NKAIN2: variants seen among roughly 807,000 people sequenced by gnomAD.
NKAIN2 encodes sodium/potassium-transporting ATPase subunit beta-1-interacting protein 2.
In NKAIN2, 14 loss-of-function variants were observed where a neutral mutation model predicts 32.6. The observed-to-expected ratio is 0.43, with a 90% CI of 0.28 to 0.67. The LOEUF (loss-of-function observed/expected upper bound fraction) is 0.67. NKAIN2 is among the 30% of genes least tolerant of loss of function. The pLI is 0.17. For missense variants in NKAIN2, 198 were observed against 258.3 expected, an observed-to-expected ratio of 0.77 and a Z score of 1.60; for synonymous variants, 80 against 87.2, an observed-to-expected ratio of 0.92 and a Z score of 0.46.
chr6:124,583,994 A>G lies in NKAIN2; in HGVS notation c.274-74192A>G, dbSNP rs1172955995. On this transcript the variant is annotated intron_variant, in intron 3 of 6. Coordinates refer to ENST00000368417, the MANE Select transcript of NKAIN2 (RefSeq NM_001040214.3). The stretch of plus-strand genomic sequence containing the variant: ...TCTCACCACATAAAAAAATCAAACC[A>G]AAATGGATTACAGTCTTAAATCTGA... Among the ~76,000 whole-genome samples, 5 of 152,236 alleles carry G rather than the reference A, an allele frequency of 3.3e-5. No homozygotes were observed. In the East Asian group the frequency reaches 9.6e-4, roughly 29 times the overall value.
chr6:124,517,150 A>G lies in NKAIN2; in HGVS notation c.274-141036A>G, dbSNP rs575367004. On this transcript the variant is annotated intron_variant, in intron 3 of 6. Transcript: ENST00000368417. ...TTATATCTTAAAGCCCTTAAGTTCA[A>G]ATGAAATTCGAACAAGTCACAGGTG... Among the ~76,000 whole-genome samples, 58 of 152,254 alleles carry G rather than the reference A, an allele frequency of 3.8e-4. No homozygotes were observed. The South Asian group carries it at 0.011, about 29-fold the overall frequency.
intron 1 of NKAIN2, among the ~76,000 whole-genome samples, chr6:124,004,941 C>G (rs576486184): frequency 2.0e-5 from 3 of 151,372 alleles, no homozygotes; most frequent in East Asian, 3.9e-4. Flanking sequence ...AAAGGAAAAC[C>G]TGGCTGGGTG....
At chr6:123,932,002 A>G (rs9491004) in intron 1 of NKAIN2, among the ~76,000 whole-genome samples, 1,741 of 152,310 alleles carry the variant, frequency 0.011, 28 homozygotes, top group African/African-American at 0.039. Context: ...AAACACTTTT[A>G]TCATTTTTCA....
chr6:124,724,233 T>A (rs1033352305), intron 4 of NKAIN2, among the ~76,000 whole-genome samples: 6 of 152,048 alleles, frequency 3.9e-5, no homozygotes, highest in Non-Finnish European at 8.8e-5. Context: ...ATGAGTAATT[T>A]CCTGACCAAA....
chr6:124,169,118 C>T (rs1459950701), intron 1 of NKAIN2, among the ~76,000 whole-genome samples: 1 of 152,030 alleles, frequency 6.6e-6, no homozygotes, highest in Non-Finnish European at 1.5e-5. Context: ...CATATATGTA[C>T]ATTTAAATTT....
intron 1 of NKAIN2, among the ~76,000 whole-genome samples, chr6:124,038,859 T>C (rs1346331120): frequency 6.6e-6 from 1 of 152,120 alleles, no homozygotes; most frequent in Non-Finnish European, 1.5e-5. Context: ...CACAGAACAG[T>C]TCAATATTTT....
intron 1 of NKAIN2, among the ~76,000 whole-genome samples, chr6:123,933,085 C>T (rs1776330878): frequency 6.6e-6 from 1 of 152,180 alleles, no homozygotes; most frequent in Admixed American, 6.5e-5. Flanking sequence ...TCTGTCAGGG[C>T]CAGCTGCATA....
intron 3 of NKAIN2, among the ~76,000 whole-genome samples, chr6:124,402,340 T>C (rs982024424): frequency 3.3e-5 from 5 of 152,220 alleles, no homozygotes; most frequent in Admixed American, 3.3e-4. Context: ...CACTTTTTTC[T>C]GTATGCATAT....
intron 1 of NKAIN2, among the ~76,000 whole-genome samples, chr6:124,043,446 A>G (rs368997483): frequency 9.6e-4 from 146 of 152,212 alleles, no homozygotes; most frequent in African/African-American, 3.4e-3. Flanking sequence ...CCTACCCTAT[A>G]TGACAGTGGC....
intron 2 of NKAIN2, among the ~76,000 whole-genome samples, chr6:124,350,825 G>C (rs1798689731): frequency 6.6e-6 from 1 of 152,114 alleles, no homozygotes; most frequent in Non-Finnish European, 1.5e-5. Flanking sequence ...AATAAATACT[G>C]TCAAGAGGCA....
chr6:123,960,398 T>G (rs987111553), intron 1 of NKAIN2, among the ~76,000 whole-genome samples: 1 of 152,164 alleles, frequency 6.6e-6, no homozygotes, highest in Non-Finnish European at 1.5e-5. Context: ...CTCTCCAGGA[T>G]GTACTCAGTG....
intron 3 of NKAIN2, among the ~76,000 whole-genome samples, chr6:124,627,247 G>A (rs988988498): frequency 6.6e-6 from 1 of 152,068 alleles, no homozygotes; most frequent in Non-Finnish European, 1.5e-5. Flanking sequence ...TCCAGCCTGG[G>A]TGACAGAGCA....
chr6:124,765,572 C>A (rs1170902151), intron 4 of NKAIN2, among the ~76,000 whole-genome samples: 2 of 152,192 alleles, frequency 1.3e-5, no homozygotes, highest in African/African-American at 2.4e-5. Context: ...CAAAGAGGCT[C>A]AGGCTGAGAT....
intron 3 of NKAIN2, among the ~76,000 whole-genome samples, chr6:124,566,934 A>G (rs1295020304): frequency 6.6e-6 from 1 of 152,176 alleles, no homozygotes; most frequent in East Asian, 1.9e-4. Flanking sequence ...TAAGTTTGTA[A>G]AACACTCATC....
intron 1 of NKAIN2, among the ~76,000 whole-genome samples, chr6:124,105,462 G>T (rs753466823): frequency 5.9e-5 from 9 of 152,118 alleles, no homozygotes; most frequent in Non-Finnish European, 1.3e-4. Flanking sequence ...TGGTTCTCTG[G>T]CATTGTGTCT....
At chr6:124,409,038 C>G (rs897849818) in intron 3 of NKAIN2, among the ~76,000 whole-genome samples, 20 of 152,172 alleles carry the variant, frequency 1.3e-4, no homozygotes, top group African/African-American at 2.4e-4. Flanking sequence ...TTTGCACATT[C>G]ATTTTGTATC....
At chr6:124,446,500 AC>A (rs1775900279) in intron 3 of NKAIN2, among the ~76,000 whole-genome samples, 1 of 151,936 alleles carries the variant, frequency 6.6e-6, no homozygotes, top group East Asian at 2.0e-4. Flanking sequence ...GTGCTACCAC[AC>A]CTGGCTAATT....
intron 1 of NKAIN2, among the ~76,000 whole-genome samples, chr6:123,908,982 C>A (rs1775026603): frequency 1.3e-5 from 2 of 152,168 alleles, no homozygotes; most frequent in Non-Finnish European, 2.9e-5. Flanking sequence ...ATTATGCTTA[C>A]AGAAACTATG....
intron 2 of NKAIN2, among the ~76,000 whole-genome samples, chr6:124,321,931 G>C (rs562516508): frequency 6.6e-6 from 1 of 152,048 alleles, no homozygotes; most frequent in Non-Finnish European, 1.5e-5. Flanking sequence ...GAATATGTAG[G>C]AATACCATAA....
Sources: gnomAD v4.1 joint callset for allele counts (sites outside exome capture counted in the v4.1 genomes callset) on GRCh38, gnomAD v4.1.1 for gene constraint, MANE v1.5 for transcripts, NCBI Gene and HGNC (gene_info 2026-07-23, HGNC 2026-07-21) for gene names.